The following FNBP1 variants were observed in gnomAD, a reference collection of about 807,000 sequenced individuals.
FNBP1 encodes formin binding protein 1, also known as formin-binding protein 1.
FNBP1 carries 26 observed loss-of-function variants against 90.6 expected under a neutral mutation model. The ratio of observed to expected loss-of-function variants is 0.29; its 90% CI spans 0.21 to 0.40. FNBP1 has a LOEUF of 0.40. FNBP1 is among the 10% of genes least tolerant of loss of function. The probability of loss-of-function intolerance (pLI) is 1.00; values close to 1 mark genes in which losing one functional copy is unlikely to be tolerated. For synonymous variants in FNBP1, 260 were observed against 265.2 expected, an observed-to-expected ratio of 0.98 and a Z score of 0.19; for missense variants, 635 against 768.0, an observed-to-expected ratio of 0.83 and a Z score of 2.05.
chr9:129,977,712 G>A (rs965864135), intron 4 of FNBP1, among the ~76,000 whole-genome samples: 4 of 152,000 alleles, frequency 2.6e-5, no homozygotes, highest in African/African-American at 7.2e-5. Flanking sequence ...GCCTGATCGC[G>A]AACTCCTTAG....
upstream of FNBP1, among the ~76,000 whole-genome samples, chr9:130,045,356 T>C (rs965343233): frequency 1.3e-5 from 2 of 152,222 alleles, no homozygotes; most frequent in Non-Finnish European, 2.9e-5. Flanking sequence ...AACAAGACAT[T>C]GCCTCAGTAA....
At chr9:130,049,942 T>C in the FNBP1 span, among the ~76,000 whole-genome samples, 1 of 152,074 alleles carries the variant, frequency 6.6e-6, no homozygotes, top group Non-Finnish European at 1.5e-5. Context: ...AGTGGCATGA[T>C]CATAGCTCAC....
At chr9:130,023,456 T>C (rs2058044200) in intron 1 of FNBP1, among the ~76,000 whole-genome samples, 1 of 152,108 alleles carries the variant, frequency 6.6e-6, no homozygotes, top group Non-Finnish European at 1.5e-5. Context: ...CACCTAGGGC[T>C]AGAGACTTCC....
At chr9:129,911,316 G>A (rs972130837) in intron 11 of FNBP1, among the ~76,000 whole-genome samples, 1 of 152,144 alleles carries the variant, frequency 6.6e-6, no homozygotes, top group Non-Finnish European at 1.5e-5. Context: ...CATGAGGATC[G>A]TGCCCCATAC....
chr9:130,023,633 G>A (rs753934957), intron 1 of FNBP1, among the ~76,000 whole-genome samples: 4 of 151,998 alleles, frequency 2.6e-5, no homozygotes, highest in Non-Finnish European at 5.9e-5. Flanking sequence ...CTTGGAGTTG[G>A]GAAGTCCTTG....
intron 4 of FNBP1, among the ~76,000 whole-genome samples, chr9:129,960,412 AAAAG>A (rs1242064929): frequency 6.7e-6 from 1 of 149,270 alleles, no homozygotes; most frequent in East Asian, 1.9e-4. Context: ...AAGAAAAAGA[AAAAG>A]AAAAAGAAAA....
At chr9:130,035,120 G>C (rs1184541855) in intron 1 of FNBP1, among the ~76,000 whole-genome samples, 1 of 152,224 alleles carries the variant, frequency 6.6e-6, no homozygotes, top group African/African-American at 2.4e-5. Flanking sequence ...CTGCACCCCA[G>C]CCTGGGCAAC....
At position 129,947,440 on chromosome 9, in the gene FNBP1, C is replaced by CA. The variant is rs530714143; in HGVS notation, c.513+9919dup. On this transcript the variant is annotated intron_variant, in intron 6 of 16. Coordinates refer to ENST00000446176, the MANE Select transcript of FNBP1 (RefSeq NM_015033.3). ...GGGCAACAAGAGTAAAACTCCGTCTCAAAAAAAAAAAAGAAAAGAAAAAAA... is the reference window on the plus strand; with the variant it reads ...GGGCAACAAGAGTAAAACTCCGTCTCAAAAAAAAAAAAAGAAAAGAAAAAAA... Among the ~76,000 whole-genome samples the CA allele has an allele frequency of 1.6e-3, 153 of 96,828 alleles. 1 individual carries two copies. Among genetic ancestry groups the CA allele is most frequent in the Non-Finnish European group, 1.9e-3 (87 of 46,786 alleles). 63.5% of individuals were successfully genotyped at this position (96,828 alleles called of 152,430 possible).
At chr9:130,008,281 T>A (rs2056091550) in intron 1 of FNBP1, among the ~76,000 whole-genome samples, 1 of 151,562 alleles carries the variant, frequency 6.6e-6, no homozygotes, top group Non-Finnish European at 1.5e-5. Context: ...CCTGGGGAGG[T>A]CGAGGCTGCA....
intron 1 of FNBP1, among the ~76,000 whole-genome samples, chr9:130,005,850 G>A (rs938037149): frequency 6.6e-5 from 10 of 152,088 alleles, no homozygotes; most frequent in African/African-American, 2.4e-4. Flanking sequence ...TTATTTCAAG[G>A]ATCACAGATA....
At chr9:129,992,218 G>T (rs1042011740) in intron 2 of FNBP1, among the ~76,000 whole-genome samples, 1 of 152,186 alleles carries the variant, frequency 6.6e-6, no homozygotes, top group African/African-American at 2.4e-5. Flanking sequence ...AATACCAGTA[G>T]CCCGCTTGAG....
chr9:129,903,442 T>C (rs1205494824), intron 12 of FNBP1, among the ~76,000 whole-genome samples: 5 of 152,162 alleles, frequency 3.3e-5, no homozygotes, highest in African/African-American at 2.4e-5. Context: ...TAAGGGACTA[T>C]TGGGCCAGCT....
At chr9:129,990,273 T>C (rs1589112914) in intron 2 of FNBP1, among the ~76,000 whole-genome samples, 1 of 152,170 alleles carries the variant, frequency 6.6e-6, no homozygotes, top group East Asian at 1.9e-4. Context: ...AAGAAAACTA[T>C]ATAAAATGGT....
At chr9:130,007,997 CAA>C (rs36074642) in intron 1 of FNBP1, among the ~76,000 whole-genome samples, 2 of 95,228 alleles carry the variant, frequency 2.1e-5, no homozygotes, top group African/African-American at 4.5e-5. Context: ...GACTCTGTCT[CAA>C]AAAAAAAAAA....
At chr9:129,912,602 C>T (rs898466850) in intron 11 of FNBP1, among the ~76,000 whole-genome samples, 2 of 150,382 alleles carry the variant, frequency 1.3e-5, no homozygotes, top group Non-Finnish European at 1.5e-5. Flanking sequence ...GCAGGAAAAT[C>T]GCTTGAACCC....
rs2059778119 is a variant in FNBP1, at chr9:130,041,013, T to G, written c.24+1939A>C. Among the ~76,000 whole-genome samples the G allele has an allele frequency of 6.6e-6, 1 of 150,924 alleles. No individual in the cohort carries two copies. Among genetic ancestry groups the G allele is most frequent in the Admixed American group, 6.6e-5 (1 of 15,176 alleles). ...TTTTCTTTTTTCTTTTCTTTTTTTT[T>G]TTTTTAAGAGGAGGCCTCTCCAGAT... On this transcript the variant is annotated intron_variant, in intron 1 of 16. Transcript: ENST00000446176. The surrounding 1 kb of genome is among the most constrained non-coding windows in gnomAD (Gnocchi z 4.3).
At chr9:129,972,484 A>T (rs1231344734) in intron 4 of FNBP1, among the ~76,000 whole-genome samples, 1 of 149,418 alleles carries the variant, frequency 6.7e-6, no homozygotes, top group African/African-American at 2.5e-5. Flanking sequence ...CTGAACAACT[A>T]CCGTATGACA....
At chr9:129,920,007 C>T (rs113097317) in intron 10 of FNBP1, among the ~76,000 whole-genome samples, 1 of 152,230 alleles carries the variant, frequency 6.6e-6, no homozygotes, top group African/African-American at 2.4e-5. Flanking sequence ...TTTTTTTGCA[C>T]TGCTATGTCC....
rs568987281 is a variant in FNBP1 at position 129,971,613 on chromosome 9, A to ACTCCTGAC, written c.345+6844_345+6851dup. ...ACCATGTCGGCCAGGCTGGTCTCAAACTCCTGACCTCAGGTGATCCACCTG... is the reference window on the plus strand; with the variant it reads ...ACCATGTCGGCCAGGCTGGTCTCAAACTCCTGACCTCCTGACCTCAGGTGATCCACCTG... On this transcript the variant is annotated intron_variant, in intron 4 of 16. Coordinates refer to ENST00000446176, the MANE Select transcript of FNBP1 (RefSeq NM_015033.3). Among the ~76,000 whole-genome samples the ACTCCTGAC allele has an allele frequency of 6.0e-3, 914 of 152,124 alleles. 6 individuals carry two copies. Among genetic ancestry groups the ACTCCTGAC allele is most frequent in the Middle Eastern group, 0.017 (5 of 292 alleles).
Sources: allele counts gnomAD v4.1 joint callset (sites outside exome capture counted in the v4.1 genomes callset), GRCh38; gene constraint gnomAD v4.1.1; non-coding constraint Gnocchi (gnomAD v3.1); transcripts MANE v1.5; gene names NCBI Gene and HGNC (gene_info 2026-07-23, HGNC 2026-07-21).